The following DNAH2 variants were observed in gnomAD, a reference collection of about 807,000 sequenced individuals.
The protein encoded by DNAH2 is axonemal beta dynein heavy chain 2.
Under a neutral mutation model 523.5 loss-of-function variants are expected in DNAH2, and 323 were observed. That is an observed-to-expected ratio of 0.62 (90% CI 0.56 to 0.68). DNAH2 has a LOEUF of 0.68. DNAH2 is among the 30% of genes least tolerant of loss of function. The pLI is 0.00. For synonymous variants in DNAH2, 2,093 were observed against 2,177.4 expected (o/e 0.96, Z 1.08); for missense variants, 4,907 against 5,701.5 (o/e 0.86, Z 4.49).
Position 7,754,338 on chromosome 17 carries a change from G to C in DNAH2, c.1905-2753G>C. On this transcript the variant is annotated intron_variant, in intron 12 of 85. Transcript: ENST00000572933. This position sits in a 1 kb window ranked among gnomAD's most constrained non-coding sequence, Gnocchi z 4.6. The stretch of plus-strand genomic sequence containing the variant: ...AGGGAAAGGAAGTTATACTAGAATA[G>C]GCAGCCCAGGCTTCCGGTTCTAGGT... 1 of 453,996 alleles carries C rather than the reference G, an allele frequency of 2.2e-6. No homozygotes were observed. Among genetic ancestry groups the C allele is most frequent in the East Asian group, 3.4e-5 (1 of 29,034 alleles). The allele number at this position is 453,996 out of a possible 1,614,324, so 28.1% of individuals were successfully genotyped here. A position where few individuals can be genotyped will look rare whatever the true frequency, so the allele number is the denominator to read the frequency against.
chr17:7,760,988 G>C lies in DNAH2; in HGVS notation c.2978+56G>C. The C allele has an allele frequency of 6.3e-7, 1 of 1,595,592 alleles. No individual in the cohort carries two copies. Among genetic ancestry groups the C allele is most frequent in the Non-Finnish European group, 8.5e-7 (1 of 1,169,752 alleles). On this transcript the variant is annotated intron_variant, in intron 18 of 85. Transcript: ENST00000572933. The surrounding 1 kb of genome is among the most constrained non-coding windows in gnomAD (Gnocchi z 4.0). ...CTGTAGGAGGCACAGCACTGCAGGA[G>C]GAGCCCAGGCCTAGAGTCTTGGGAA...
chr17:7,806,146 T>G (rs2077361390), intron 61 of DNAH2, among the ~76,000 whole-genome samples: 1 of 152,190 alleles, frequency 6.6e-6, no homozygotes, highest in African/African-American at 2.4e-5. Flanking sequence ...ATACATTACA[T>G]GAGATATTCA....
intron 75 of DNAH2, 53 bp from the exon 76 acceptor site, chr17:7,824,068 C>T (rs544781854): frequency 1.3e-6 from 2 of 1,573,616 alleles, no homozygotes; most frequent in South Asian, 2.3e-5. Flanking sequence ...ATCTCTCTCT[C>T]CCACTTTGGT....
In DNAH2 at chr17:7,819,420, C is replaced by A. The variant is rs749486884; in HGVS notation, c.11015+12C>A. 4 of 1,613,992 alleles carry A rather than the reference C, an allele frequency of 2.5e-6. No homozygotes were observed. In the South Asian group the frequency reaches 3.3e-5, roughly 13 times the overall value. Reference sequence around the variant, plus strand: ...TACGCTGTCTACAGGTCTGAGGGTGCCCCCAACATGCCCCAGCCCGGAGGC... The same window carrying A: ...TACGCTGTCTACAGGTCTGAGGGTGACCCCAACATGCCCCAGCCCGGAGGC... On this transcript the variant is annotated intron_variant, in intron 72 of 85. Coordinates refer to ENST00000572933, the MANE Select transcript of DNAH2 (RefSeq NM_020877.5).
At chr17:7,763,193 C>T (rs996807026) in intron 18 of DNAH2, among the ~76,000 whole-genome samples, 1 of 152,130 alleles carries the variant, frequency 6.6e-6, no homozygotes, top group Non-Finnish European at 1.5e-5. Context: ...GAGTCTTGCT[C>T]TGTCGCCCAG....
rs1025594536 is a variant in DNAH2 at position 7,832,407 on chromosome 17, G to A, written c.12727-172G>A. 6.6e-5 allele frequency among the ~76,000 whole-genome samples: 10 copies of A among 152,314 alleles called. No homozygotes were observed. Among genetic ancestry groups the A allele is most frequent in the Non-Finnish European group, 1.0e-4 (7 of 68,022 alleles). The stretch of plus-strand genomic sequence containing the variant: ...CGCCTGTAATCCCAGCTACTTGGGA[G>A]GCTGAGGCAGGAGAATAGCTTAACT... On this transcript the variant is annotated intron_variant, in intron 82 of 85. Transcript: ENST00000572933. The surrounding 1 kb of genome is among the most constrained non-coding windows in gnomAD (Gnocchi z 4.3).
chr17:7,800,304 G>A (rs1439650142), intron 56 of DNAH2, among the ~76,000 whole-genome samples: 1 of 152,042 alleles, frequency 6.6e-6, no homozygotes, highest in East Asian at 2.0e-4. Context: ...ACCCGCCTTG[G>A]CATCCCAAAG....
chr17:7,734,823 C>G, intron 7 of DNAH2, 115 bp downstream of exon 7: 1 of 1,065,840 alleles, frequency 9.4e-7, no homozygotes, highest in Admixed American at 1.9e-5. Context: ...CACAGACTGA[C>G]CCACCCAGGG....
Position 7,771,342 on chromosome 17 carries a change from G to A in DNAH2, c.4375G>A (p.Gly1459Arg), listed in dbSNP as rs1443191900. 1.2e-6 allele frequency: 2 copies of A among 1,614,046 alleles called. No homozygotes were observed. Among genetic ancestry groups the A allele is most frequent in the Non-Finnish European group, 1.7e-6 (2 of 1,180,006 alleles). ...TTGGCCCCCTCAGAATATCTTCCTA[G>A]GAGAAGACATCCGCAAGCAGCTGCC... The part of the protein sequence containing the change: ...QWMYLENIFL[G>R]EDIRKQLPNE... The change falls in exon 28 of 86, where the codon GGA (glycine) becomes AGA (arginine). Residue 1459 changes from glycine to arginine, a missense_variant. By Grantham distance (125) the Gly-to-Arg change is moderately radical (BLOSUM62 -2). Coordinates refer to ENST00000572933, the MANE Select transcript of DNAH2 (RefSeq NM_020877.5).
intron 68 of DNAH2, 35 bp downstream of exon 68, chr17:7,818,131 T>A: frequency 1.2e-6 from 2 of 1,608,082 alleles, no homozygotes; most frequent in Non-Finnish European, 1.7e-6. Context: ...CCAAGTGGGA[T>A]GCTAGGGAGG....
chr17:7,775,099 C>T (rs984575006), intron 29 of DNAH2, 123 bp downstream of exon 29: 1 of 1,265,736 alleles, frequency 7.9e-7, no homozygotes, highest in African/African-American at 1.5e-5. Context: ...ATTCTCAATT[C>T]TCAGGGGGAT....
intron 21 of DNAH2, among the ~76,000 whole-genome samples, chr17:7,765,784 T>A (rs1411071659): frequency 6.6e-6 from 1 of 151,432 alleles, no homozygotes; most frequent in Non-Finnish European, 1.5e-5. Flanking sequence ...TTTTCTTTTT[T>A]CTTTTTTTTT....
In DNAH2 at chr17:7,818,760, G is replaced by C; in HGVS notation, c.10654G>C (p.Glu3552Gln). 1 of 1,614,076 alleles carries C rather than the reference G, an allele frequency of 6.2e-7. No individual in the cohort carries two copies. The highest frequency in any genetic ancestry group is 8.5e-7 in the Non-Finnish European group (1 of 1,179,984). The change falls in exon 70 of 86, where the codon GAG becomes CAG. Residue 3552 changes from glutamate (E) to glutamine (Q), a missense_variant. Transcript: ENST00000572933. Reference protein sequence around the residue: ...AAGKRKLKELEDEILRLLNEA... With the variant: ...AAGKRKLKELQDEILRLLNEA... ...TGGTAAAAGGAAGCTCAAGGAGCTGGAGGATGAGATCCTGCGGTGAGGCCC... is the reference window on the plus strand; with the variant it reads ...TGGTAAAAGGAAGCTCAAGGAGCTGCAGGATGAGATCCTGCGGTGAGGCCC...
At chr17:7,783,656 G>A (rs951410994) in intron 39 of DNAH2, among the ~76,000 whole-genome samples, 12 of 152,008 alleles carry the variant, frequency 7.9e-5, no homozygotes, top group African/African-American at 2.4e-4. Context: ...AAATGAGCCA[G>A]GTGTAATGGC....
intron 39 of DNAH2, among the ~76,000 whole-genome samples, chr17:7,783,905 T>C (rs1280684150): frequency 1.3e-5 from 2 of 151,780 alleles, no homozygotes; most frequent in Non-Finnish European, 2.9e-5. Context: ...AAAGTAACCA[T>C]ACATTGTTAT....
chr17:7,747,680 T>A (rs2075556499), intron 12 of DNAH2, among the ~76,000 whole-genome samples: 1 of 152,222 alleles, frequency 6.6e-6, no homozygotes, highest in Non-Finnish European at 1.5e-5. Context: ...CTTGGGTTTA[T>A]CTGAAATCCA....
rs201834673 is a variant in DNAH2 at position 7,797,844 on chromosome 17, C to T, written c.8230+15C>T. 4.6e-5 allele frequency: 73 copies of T among 1,597,398 alleles called. No individual in the cohort carries two copies. The highest frequency in any genetic ancestry group is 1.9e-4 in the African/African-American group (14 of 74,754). On this transcript the variant is annotated intron_variant, in intron 53 of 85. Transcript: ENST00000572933. Reference sequence around the variant, plus strand: ...TATTGAACACAGTGAGCACCTGCCACGCCTATCCCCTTCCCCATCATCTCA... The same window carrying T: ...TATTGAACACAGTGAGCACCTGCCATGCCTATCCCCTTCCCCATCATCTCA...
chr17:7,764,615 C>A (rs972156592), intron 20 of DNAH2, among the ~76,000 whole-genome samples: 2 of 151,618 alleles, frequency 1.3e-5, no homozygotes, highest in African/African-American at 2.4e-5. Context: ...CACACGCCAC[C>A]ACGCCTTGCT....
intron 12 of DNAH2, among the ~76,000 whole-genome samples, chr17:7,755,729 G>A (rs2075817246): frequency 6.6e-6 from 1 of 152,092 alleles, no homozygotes; most frequent in South Asian, 2.1e-4. Flanking sequence ...GAACAGGAAG[G>A]AGGAGGCCAC....
Sources: allele counts gnomAD v4.1 joint callset (sites outside exome capture counted in the v4.1 genomes callset), GRCh38; gene constraint gnomAD v4.1.1; non-coding constraint Gnocchi (gnomAD v3.1); transcripts MANE v1.5; gene names NCBI Gene and HGNC (gene_info 2026-07-23, HGNC 2026-07-21).